Variants in NADK observed in about 807,000 individuals in gnomAD.
NADK encodes NAD kinase, also known as poly(P)/ATP NAD kinase.
NADK carries 22 observed loss-of-function variants against 49.8 expected under a neutral mutation model. That is an observed-to-expected ratio of 0.44 (90% confidence interval 0.32 to 0.63). The LOEUF is 0.63. Among genes scored for constraint, NADK ranks in the 30% least tolerant of loss-of-function variants. NADK has a pLI of 0.06. For missense variants in NADK, 438 were observed against 609.4 expected (o/e 0.72, Z 2.96); for synonymous variants, 268 against 253.7 (o/e 1.06, Z -0.54).
At chr1:1,757,337 A>G (rs1424410747) in intron 3 of NADK, 27 bp from the exon 4 acceptor site, 1 of 1,572,034 alleles carries the variant, frequency 6.4e-7, no homozygotes, top group Admixed American at 1.7e-5. Flanking sequence ...AAGAGTTCAC[A>G]CCAGCTGCGA....
At chr1:1,764,694 G>A (rs879301238) in intron 2 of NADK, among the ~76,000 whole-genome samples, 2 of 152,178 alleles carry the variant, frequency 1.3e-5, no homozygotes, top group Non-Finnish European at 2.9e-5. Context: ...CTGACGTCAG[G>A]GGTTCAAGAC....
chr1:1,779,299 G>A (rs1248946135), upstream of NADK: 3 of 152,410 alleles, frequency 2.0e-5, no homozygotes, highest in Admixed American at 2.0e-4. Context: ...TGTAGTGTTT[G>A]TTGGAACTGC....
At chr1:1,774,466 G>C (rs975051484) in intron 1 of NADK, among the ~76,000 whole-genome samples, 3 of 152,082 alleles carry the variant, frequency 2.0e-5, no homozygotes, top group African/African-American at 7.2e-5. Flanking sequence ...TGTTGGTCAG[G>C]CTGGTCTCAA....
Position 1,752,748 on chromosome 1 carries a change from G to C in NADK, c.*156C>G. 2 of 835,860 alleles carry C rather than the reference G, an allele frequency of 2.4e-6. No individual in the cohort carries two copies. Among genetic ancestry groups the C allele is most frequent in the South Asian group, 1.9e-5 (1 of 51,810 alleles). The allele number at this position is 835,860 out of a possible 1,614,324, so 51.8% of individuals were successfully genotyped here. ...AGTCAGACATTTTAAAAAAACAGCT[G>C]ATCTGGACAAAAGGCAGACCCAGGC... On this transcript the variant is annotated 3_prime_UTR_variant, in exon 12 of 12. Transcript: ENST00000341426.
chr1:1,765,479 G>T, intron 1 of NADK, 33 bp from the exon 2 acceptor site: 1 of 1,049,242 alleles, frequency 9.5e-7, no homozygotes. Context: ...TGTAAATAAA[G>T]TAAATAAATA....
intron 3 of NADK, chr1:1,758,530 A>G (rs746041004): frequency 2.5e-6 from 4 of 1,607,234 alleles, no homozygotes; most frequent in Non-Finnish European, 3.4e-6. Flanking sequence ...CGGCCGCCCC[A>G]TCGGTATGGT....
chr1:1,753,089 A>G lies in NADK; in HGVS notation c.1185-29T>C, dbSNP rs1407689546. 6.9e-6 allele frequency: 11 copies of G among 1,588,544 alleles called. No homozygotes were observed. In the African/African-American group the frequency reaches 1.3e-4, roughly 19 times the overall value. On this transcript the variant is annotated intron_variant, in intron 11 of 11. Transcript: ENST00000341426. ...GGACGGGAGAGCAGCAGCCTGAGCCAGGGCTTCCAGAAAGGCCCACCCCCG... is the reference window on the plus strand; with the variant it reads ...GGACGGGAGAGCAGCAGCCTGAGCCGGGGCTTCCAGAAAGGCCCACCCCCG...
chr1:1,776,566 G>A (rs908093869), intron 1 of NADK, among the ~76,000 whole-genome samples: 2 of 152,050 alleles, frequency 1.3e-5, no homozygotes, highest in African/African-American at 4.8e-5. Context: ...ACGAGGTCAG[G>A]AGTTCGAGAC....
At position 1,752,833 on chromosome 1, in the gene NADK, C is replaced by G. The variant is rs979890122; in HGVS notation, c.*71G>C. On this transcript the variant is annotated 3_prime_UTR_variant, in exon 12 of 12. Transcript: ENST00000341426. ...ACTGAGACAGGCGGTCACAGACACA[C>G]GCAGATTGGTCTGTCCCCAGAGGGC... The G allele has an allele frequency of 3.3e-6, 5 of 1,531,320 alleles. 1 individual carries two copies. In the African/African-American group the frequency reaches 4.1e-5, roughly 13 times the overall value. The allele number at this position is 1,531,320 out of a possible 1,614,324, so 94.9% of individuals were successfully genotyped here. A position where few individuals can be genotyped will look rare whatever the true frequency, so the allele number is the denominator to read the frequency against.
At chr1:1,764,402 T>A (rs527457804) in intron 2 of NADK, among the ~76,000 whole-genome samples, 1 of 152,140 alleles carries the variant, frequency 6.6e-6, no homozygotes, top group East Asian at 1.9e-4. Context: ...CCAAGCAGCA[T>A]TGTGCAAGGG....
intron 3 of NADK, chr1:1,758,752 A>G: frequency 1.5e-6 from 1 of 665,260 alleles, no homozygotes; most frequent in Non-Finnish European, 1.9e-6. Context: ...TCCTCAGTTC[A>G]GCAGCAAAGA....
At chr1:1,761,520 G>A (rs889426867) in intron 3 of NADK, 2 of 180,598 alleles carry the variant, frequency 1.1e-5, no homozygotes, top group African/African-American at 4.6e-5. Context: ...GGCAGAATGT[G>A]TTGACAAACT....
rs1449279914 is a variant in NADK, at chr1:1,755,410, C to G, written c.652G>C (p.Glu218Gln). 6.2e-7 allele frequency: 1 copy of G among 1,613,982 alleles called. No individual in the cohort carries two copies. Among genetic ancestry groups the G allele is most frequent in the African/African-American group, 1.3e-5 (1 of 74,908 alleles). ...SLGFLTPFSF[E>Q]NFQSQVTQVI... ...TGAGTAACTTGGGACTGAAAGTTCT[C>G]AAAGCTGAATGGGGTCAGGAAGCCC... is the stretch of plus-strand genomic sequence containing the variant. The change falls in exon 7 of 12, where the codon GAG becomes CAG. Residue 218 changes from glutamate (E) to glutamine (Q), a missense_variant. Glu to Gln is a conservative substitution (Grantham distance 29). Coordinates refer to ENST00000341426, the MANE Select transcript of NADK (RefSeq NM_023018.5).
At position 1,769,501 on chromosome 1, in the gene NADK, A is replaced by G. The variant is rs115225674; in HGVS notation, c.-40-4055T>C. Among the ~76,000 whole-genome samples the G allele has an allele frequency of 9.9e-3, 1,500 of 152,224 alleles. 20 individuals are homozygous for G. Among genetic ancestry groups the G allele is most frequent in the African/African-American group, 0.034 (1,415 of 41,546 alleles). The stretch of plus-strand genomic sequence containing the variant: ...AGGAGGCGGTGCTTGCAGCGAGCCG[A>G]TATCGCGCCATGGCACTCCAGCTTG... On this transcript the variant is annotated intron_variant, in intron 1 of 11. Transcript: ENST00000341426.
At chr1:1,759,101 C>G in intron 3 of NADK, 1 of 1,539,218 alleles carries the variant, frequency 6.5e-7, no homozygotes, top group Non-Finnish European at 8.8e-7. Flanking sequence ...CACCACTGAC[C>G]CAGTGGCCTG....
At chr1:1,764,727 C>A (rs1645831492) in intron 2 of NADK, among the ~76,000 whole-genome samples, 1 of 152,166 alleles carries the variant, frequency 6.6e-6, no homozygotes, top group South Asian at 2.1e-4. Flanking sequence ...CATGGTGAAA[C>A]CCCGTCTCTA....
chr1:1,752,726 C>G lies in NADK; in HGVS notation c.*178G>C. 1.4e-6 allele frequency: 1 copy of G among 706,918 alleles called. No individual in the cohort carries two copies. The highest frequency in any genetic ancestry group is 2.4e-5 in the South Asian group (1 of 42,000). 43.8% of individuals were successfully genotyped at this position (706,918 alleles called of 1,614,324 possible). ...GCTTCTTTAGAAATGCAAAAAAAGTCAGACATTTTAAAAAAACAGCTGATC... is the reference window on the plus strand; with the variant it reads ...GCTTCTTTAGAAATGCAAAAAAAGTGAGACATTTTAAAAAAACAGCTGATC... On this transcript the variant is annotated 3_prime_UTR_variant, in exon 12 of 12. Coordinates refer to ENST00000341426, the MANE Select transcript of NADK (RefSeq NM_023018.5).
At chr1:1,770,357 G>A (rs1646011071) in intron 1 of NADK, among the ~76,000 whole-genome samples, 1 of 152,142 alleles carries the variant, frequency 6.6e-6, no homozygotes, top group East Asian at 1.9e-4. Flanking sequence ...ATGAAATGTA[G>A]GTCTGTTAAA....
intron 6 of NADK, chr1:1,755,950 A>C: frequency 5.8e-6 from 3 of 513,472 alleles, no homozygotes; most frequent in Non-Finnish European, 1.1e-5. Flanking sequence ...CAGGAAGAGG[A>C]GCTCAAGGGA....
Sources: allele counts gnomAD v4.1 joint callset (sites outside exome capture counted in the v4.1 genomes callset), GRCh38; gene constraint gnomAD v4.1.1; transcripts MANE v1.5; gene names NCBI Gene and HGNC (gene_info 2026-07-23, HGNC 2026-07-21).